P4HA3: variants seen among roughly 807,000 people sequenced by gnomAD.
The protein encoded by P4HA3 is prolyl 4-hydroxylase subunit alpha-3.
A neutral mutation model predicts 66.7 loss-of-function variants in P4HA3; 60 were observed. That is an observed-to-expected ratio of 0.90 (90% CI 0.73 to 1.12). The LOEUF (loss-of-function observed/expected upper bound fraction) is 1.12. Among genes scored for constraint, P4HA3 ranks in the 50% most tolerant of loss-of-function variants. P4HA3 has a pLI of 0.00. For synonymous variants in P4HA3, 263 were observed against 274.6 expected, an observed-to-expected ratio of 0.96 and a Z score of 0.42; for missense variants, 683 against 685.8, an observed-to-expected ratio of 1.00 and a Z score of 0.05.
In P4HA3 at chr11:74,289,069, C is replaced by G; in HGVS notation, c.769+10G>C. On this transcript the variant is annotated intron_variant, in intron 5 of 12. Transcript: ENST00000331597. ...ACCTGTGGCTGGCTTATCTTTTATC[C>G]ATTACGTACTGTAGAGAAGAAACTC... 1 of 1,538,028 alleles carries G rather than the reference C, an allele frequency of 6.5e-7. No individual in the cohort carries two copies. The highest frequency in any genetic ancestry group is 8.7e-7 in the Non-Finnish European group (1 of 1,143,362).
intron 15 of P4HA3, chr11:74,250,855 ATGGGGAGGTAGGTCCTGGGCTCC>A: frequency 1.0e-6 from 1 of 984,434 alleles, no homozygotes; most frequent in East Asian, 2.6e-5. Flanking sequence ...GAGGTTGGAA[ATGGGGAGGTAGGTCCTGGGCTCC>A]TGGAATGACC....
chr11:74,300,759 C>T (rs1861382409), intron 3 of P4HA3, among the ~76,000 whole-genome samples: 1 of 152,136 alleles, frequency 6.6e-6, no homozygotes, highest in South Asian at 2.1e-4. Context: ...GTTGGCGATA[C>T]CACTCCGAGG....
At chr11:74,251,802 T>G in intron 15 of P4HA3, 1 of 1,529,092 alleles carries the variant, frequency 6.5e-7, no homozygotes, top group Non-Finnish European at 9.1e-7. Flanking sequence ...TATCTCTGCC[T>G]TACCCCTGCC....
rs747790951 is a variant in P4HA3, at chr11:74,302,419, G to C, written c.517C>G (p.Pro173Ala). 6.2e-7 allele frequency: 1 copy of C among 1,614,084 alleles called. No individual in the cohort carries two copies. The highest frequency in any genetic ancestry group is 2.2e-5 in the East Asian group (1 of 44,890). Reference sequence around the variant, plus strand: ...CCTGTGAGAGAAAAGAGCCGTTTGGGGCTGTACAGGTCAGTGATGGCAGAG... The same window carrying C: ...CCTGTGAGAGAAAAGAGCCGTTTGGCGCTGTACAGGTCAGTGATGGCAGAG... ...TGSAITDLYS[P>A]KRLFSLTGDD... The change falls in exon 3 of 13, where the codon CCC (proline) becomes GCC (alanine). Residue 173 changes from proline to alanine, a missense_variant. Coordinates refer to ENST00000331597, the MANE Select transcript of P4HA3 (RefSeq NM_182904.5).
intron 15 of P4HA3, chr11:74,251,680 G>A: frequency 1.2e-6 from 2 of 1,613,830 alleles, no homozygotes; most frequent in Middle Eastern, 1.7e-4. Flanking sequence ...TCCTGATCCG[G>A]CACAGGTTTG....
At chr11:74,291,281 C>T (rs987980571) in intron 4 of P4HA3, among the ~76,000 whole-genome samples, 3 of 152,100 alleles carry the variant, frequency 2.0e-5, no homozygotes, top group African/African-American at 7.2e-5. Context: ...CTTGTGATTT[C>T]TGTACACTGA....
At chr11:74,251,811 C>T (rs1859674462) in intron 15 of P4HA3, 1 of 1,492,556 alleles carries the variant, frequency 6.7e-7, no homozygotes, top group East Asian at 2.3e-5. Context: ...CTTACCCCTG[C>T]CTGGTTTGGT....
Position 74,277,142 on chromosome 11 carries a change from G to A in P4HA3, c.1178C>T (p.Ala393Val). 2 of 1,612,340 alleles carry A rather than the reference G, an allele frequency of 1.2e-6. No homozygotes were observed. Among genetic ancestry groups the A allele is most frequent in the Non-Finnish European group, 1.7e-6 (2 of 1,179,056 alleles). ...TGGGTCAACAGTGTCCTTCAGCCAG[G>A]CACTAAAACACACCACAGATTGAAG... ...LQVEYRISKSAWLKDTVDPKL... is the reference protein window; with the variant it reads ...LQVEYRISKSVWLKDTVDPKL... The change falls in exon 9 of 13, where the codon GCC becomes GTC. Residue 393 changes from alanine to valine, a missense_variant and splice_region_variant. Physicochemically the swap from Ala to Val is moderately conservative, Grantham distance 64. Coordinates refer to ENST00000331597, the MANE Select transcript of P4HA3 (RefSeq NM_182904.5).
chr11:74,267,881 T>A (rs1860043070), intron 12 of P4HA3, among the ~76,000 whole-genome samples: 2 of 152,168 alleles, frequency 1.3e-5, no homozygotes, highest in South Asian at 4.1e-4. Context: ...ACCATATTCC[T>A]CTCTGGCAGT....
intron 15 of P4HA3, chr11:74,255,876 AGAG>A (rs879529220): frequency 1.2e-5 from 6 of 496,268 alleles, no homozygotes; most frequent in Non-Finnish European, 2.0e-5. Flanking sequence ...GCTCCCTAGT[AGAG>A]GAGAGAAGTT....
chr11:74,273,512 G>T (rs370673419), intron 10 of P4HA3, 33 bp downstream of exon 10: 2 of 1,451,080 alleles, frequency 1.4e-6, no homozygotes, highest in Non-Finnish European at 1.8e-6. Flanking sequence ...GCTATAGTCA[G>T]TCATGAAGTA....
chr11:74,289,046 C>G (rs1328379626), intron 5 of P4HA3, 33 bp downstream of exon 5: 1 of 1,474,940 alleles, frequency 6.8e-7, no homozygotes, highest in African/African-American at 1.5e-5. Context: ...TAAATCAGAC[C>G]TGTGGCTGGC....
At chr11:74,267,998 TC>T (rs2135702182) in intron 12 of P4HA3, 146 bp downstream of exon 12, 2 of 707,906 alleles carry the variant, frequency 2.8e-6, no homozygotes, top group South Asian at 3.9e-5. Flanking sequence ...TGGGGGCACC[TC>T]ATTCATAATC....
chr11:74,290,737 G>C (rs960662084), intron 4 of P4HA3, among the ~76,000 whole-genome samples: 1 of 152,130 alleles, frequency 6.6e-6, no homozygotes, highest in Non-Finnish European at 1.5e-5. Context: ...TCAGGTTTGT[G>C]AAAGATCAGA....
At chr11:74,278,032 G>A (rs1224726697) in intron 8 of P4HA3, among the ~76,000 whole-genome samples, 1 of 152,170 alleles carries the variant, frequency 6.6e-6, no homozygotes, top group Non-Finnish European at 1.5e-5. Context: ...AAGAGCTCAT[G>A]GATTATGGGG....
chr11:74,253,549 T>C (rs1391963256), intron 15 of P4HA3: 1 of 1,580,312 alleles, frequency 6.3e-7, no homozygotes, highest in South Asian at 1.1e-5. Context: ...CGAGCTCTGT[T>C]GTAAATACGT....
chr11:74,264,562 G>T (rs1859959617), downstream of P4HA3, among the ~76,000 whole-genome samples: 1 of 152,156 alleles, frequency 6.6e-6, no homozygotes, highest in South Asian at 2.1e-4. Context: ...TAGGGGCAGG[G>T]TCAGCATCTA....
chr11:74,255,919 G>C (rs1291704026), intron 15 of P4HA3: 1 of 516,580 alleles, frequency 1.9e-6, no homozygotes, highest in Middle Eastern at 3.2e-4. Flanking sequence ...TCTCTCACCG[G>C]AACACTTTGC....
intron 9 of P4HA3, among the ~76,000 whole-genome samples, chr11:74,274,707 A>G (rs1198069131): frequency 6.6e-6 from 1 of 152,202 alleles, no homozygotes; most frequent in African/African-American, 2.4e-5. Context: ...TAATATACAT[A>G]GGTGTGAAAT....
Sources: gnomAD v4.1 joint callset for allele counts (sites outside exome capture counted in the v4.1 genomes callset) on GRCh38, gnomAD v4.1.1 for gene constraint, MANE v1.5 for transcripts, NCBI Gene and HGNC (gene_info 2026-07-23, HGNC 2026-07-21) for gene names.